Variants in TXNRD1 observed in about 807,000 individuals in gnomAD.
TXNRD1 encodes the protein thioredoxin reductase 1, cytoplasmic.
TXNRD1 carries 57 observed loss-of-function variants against 80.3 expected under a neutral mutation model. That is an observed-to-expected ratio of 0.71 (90% CI 0.57 to 0.89). The LOEUF is 0.89. Among genes scored for constraint, TXNRD1 ranks in the 40% least tolerant of loss-of-function variants. The pLI is 0.00. For synonymous variants in TXNRD1, 291 were observed against 285.2 expected (o/e 1.02, Z -0.20); for missense variants, 730 against 803.0 (o/e 0.91, Z 1.10).
chr12:104,279,583 G>A (rs1179440578), intron 3 of TXNRD1, among the ~76,000 whole-genome samples: 1 of 152,184 alleles, frequency 6.6e-6, no homozygotes, highest in African/African-American at 2.4e-5. Context: ...TGGCTTTGCA[G>A]TTAGTAATAG....
chr12:104,302,782 C>T (rs1021157569), intron 4 of TXNRD1, among the ~76,000 whole-genome samples: 1 of 152,320 alleles, frequency 6.6e-6, no homozygotes, highest in African/African-American at 2.4e-5. Context: ...AGCCACCGCG[C>T]CCGGCCATTC....
chr12:104,245,982 G>A (rs1324413851), intron 1 of TXNRD1, among the ~76,000 whole-genome samples: 1 of 151,310 alleles, frequency 6.6e-6, no homozygotes, highest in Non-Finnish European at 1.5e-5. Context: ...GCGTGGTGGC[G>A]GGCTCCTGTA....
chr12:104,262,349 A>G (rs956462282), intron 3 of TXNRD1: 1 of 151,970 alleles, frequency 6.6e-6, no homozygotes, highest in African/African-American at 2.4e-5. Flanking sequence ...CAAGCATAGG[A>G]GGAACACCGT....
chr12:104,304,801 C>T (rs775933640), intron 4 of TXNRD1: 3 of 1,613,932 alleles, frequency 1.9e-6, no homozygotes, highest in East Asian at 2.2e-5. Context: ...TGAATGTTAA[C>T]CAAATGGGTG....
intron 4 of TXNRD1, among the ~76,000 whole-genome samples, chr12:104,290,757 A>ATG (rs1565880696): frequency 1.8e-5 from 2 of 112,550 alleles, no homozygotes; most frequent in South Asian, 3.2e-4. Context: ...ATATATATAT[A>ATG]TGTATATTTC....
chr12:104,244,314 T>C (rs922227431), intron 1 of TXNRD1, among the ~76,000 whole-genome samples: 3 of 152,208 alleles, frequency 2.0e-5, no homozygotes, highest in Admixed American at 6.5e-5. Context: ...TGTTTTCCTT[T>C]AGTAATCCCT....
chr12:104,251,608 T>C lies in TXNRD1; in HGVS notation c.173T>C (p.Leu58Pro). 2 of 1,613,972 alleles carry C rather than the reference T, an allele frequency of 1.2e-6. No individual in the cohort carries two copies. Among genetic ancestry groups the C allele is most frequent in the Non-Finnish European group, 1.7e-6 (2 of 1,179,882 alleles). Reference protein sequence around the residue: ...TSTATADSRALLQAYIDGHSV... With the variant: ...TSTATADSRAPLQAYIDGHSV... ...ACGGCCACTGCAGACTCCAGAGCCCTGCTTCAGGCCTATATAGATGGTCAC... is the reference window on the plus strand; with the variant it reads ...ACGGCCACTGCAGACTCCAGAGCCCCGCTTCAGGCCTATATAGATGGTCAC... Residue 58 changes from leucine (L) to proline (P), a missense_variant, in exon 2 of 17, where the codon CTG becomes CCG. Coordinates refer to ENST00000525566, the MANE Select transcript of TXNRD1 (RefSeq NM_001093771.3).
intron 4 of TXNRD1, among the ~76,000 whole-genome samples, chr12:104,297,148 A>G (rs2034460061): frequency 6.6e-6 from 1 of 151,772 alleles, no homozygotes; most frequent in Admixed American, 6.6e-5. Context: ...TACTAAAAAT[A>G]CAAAAAATTA....
rs189774406 is a variant in TXNRD1, at chr12:104,243,088, A to G, written c.92-8439A>G. 1.6e-3 allele frequency among the ~76,000 whole-genome samples: 246 copies of G among 152,330 alleles called. 1 individual carries two copies. The highest frequency in any genetic ancestry group is 5.5e-3 in the African/African-American group (228 of 41,586). The stretch of plus-strand genomic sequence containing the variant: ...TAAACAGGATATTGTAGTCCTTTTT[A>G]TAGCACTTAAGTTCTTCTTATGACA... On this transcript the variant is annotated intron_variant, in intron 1 of 16. Transcript: ENST00000525566.
At chr12:104,242,174 G>T (rs1252626760) in intron 1 of TXNRD1, among the ~76,000 whole-genome samples, 2 of 151,226 alleles carry the variant, frequency 1.3e-5, no homozygotes, top group East Asian at 2.0e-4. Context: ...CCTGACCTCA[G>T]GTGATCCACC....
At chr12:104,346,262 C>G (rs1051778218) in intron 16 of TXNRD1, 1 of 189,108 alleles carries the variant, frequency 5.3e-6, no homozygotes, top group African/African-American at 2.3e-5. Context: ...ATCCTCCCGC[C>G]TTGGCTTCCC....
At chr12:104,234,245 CTG>C (rs1009930335) in intron 1 of TXNRD1, among the ~76,000 whole-genome samples, 1 of 152,180 alleles carries the variant, frequency 6.6e-6, no homozygotes, top group African/African-American at 2.4e-5. Flanking sequence ...ATCTTTGAGA[CTG>C]TTTTTATTTC....
chr12:104,233,761 A>G (rs1028843081), intron 1 of TXNRD1, among the ~76,000 whole-genome samples: 1 of 152,140 alleles, frequency 6.6e-6, no homozygotes, highest in African/African-American at 2.4e-5. Flanking sequence ...ACCTCAGGTG[A>G]TCTGCCTGCC....
chr12:104,304,238 GA>G (rs1183632835), intron 4 of TXNRD1: 1 of 1,614,028 alleles, frequency 6.2e-7, no homozygotes, highest in Non-Finnish European at 8.5e-7. Context: ...TTTGGGTAAA[GA>G]AAAGGCAAAG....
chr12:104,287,222 C>G, intron 3 of TXNRD1: 1 of 1,610,242 alleles, frequency 6.2e-7, no homozygotes, highest in South Asian at 1.1e-5. Flanking sequence ...CAGCAGTGTG[C>G]GTCTCGGGGA....
intron 8 of TXNRD1, 88 bp downstream of exon 8, chr12:104,319,143 A>G: frequency 7.0e-7 from 1 of 1,432,094 alleles, no homozygotes; most frequent in South Asian, 1.4e-5. Context: ...GTATTATAAT[A>G]AAAGTAATAG....
chr12:104,339,050 A>G, intron 15 of TXNRD1, 89 bp from the exon 16 acceptor site: 1 of 1,523,340 alleles, frequency 6.6e-7, no homozygotes, highest in Non-Finnish European at 8.9e-7. Flanking sequence ...ATTTTTAAGA[A>G]ACAGACTGGA....
chr12:104,303,650 C>G (rs528310949), intron 4 of TXNRD1: 118 of 421,104 alleles, frequency 2.8e-4, no homozygotes, highest in African/African-American at 2.2e-3. Context: ...GCGAGCGCCT[C>G]GGCTTGTGGC....
chr12:104,228,045 G>A (rs548284700), intron 1 of TXNRD1, among the ~76,000 whole-genome samples: 15 of 152,168 alleles, frequency 9.9e-5, no homozygotes, highest in South Asian at 6.2e-4. Context: ...GCTCACACCC[G>A]TAATCCCGGC....
Sources: allele counts gnomAD v4.1 joint callset (sites outside exome capture counted in the v4.1 genomes callset), GRCh38; gene constraint gnomAD v4.1.1; transcripts MANE v1.5; gene names NCBI Gene and HGNC (gene_info 2026-07-23, HGNC 2026-07-21).